The following SHANK1 variants were observed in gnomAD, a reference collection of about 807,000 sequenced individuals.
SHANK1 encodes the protein SH3 and multiple ankyrin repeat domains 1, also known as SH3 and multiple ankyrin repeat domains protein 1.
A neutral mutation model predicts 165.6 loss-of-function variants in SHANK1; 35 were observed. The ratio of observed to expected loss-of-function variants is 0.21; its 90% confidence interval spans 0.16 to 0.28. SHANK1 has a LOEUF of 0.28. SHANK1 is among the 10% of genes least tolerant of loss of function. The probability of loss-of-function intolerance (pLI) is 1.00; values close to 1 mark genes in which losing one functional copy is unlikely to be tolerated. For synonymous variants in SHANK1, 1,428 were observed against 1,384.8 expected, an observed-to-expected ratio of 1.03 and a Z score of -0.69; for missense variants, 2,681 against 3,036.4, an observed-to-expected ratio of 0.88 and a Z score of 2.75.
In SHANK1 at chr19:50,704,419, T is replaced by A. The variant is rs2088913084; in HGVS notation, c.1155+18A>T. On this transcript the variant is annotated intron_variant, in intron 9 of 23. Transcript: ENST00000293441. ...CCTTAGCCCTGGAAACTCCAGCACA[T>A]CCCCTGCAGCCCCAGACCTGGAAGG... 4 of 1,611,842 alleles carry A rather than the reference T, an allele frequency of 2.5e-6. No individual in the cohort carries two copies. The East Asian group carries it at 8.9e-5, about 36-fold the overall frequency.
rs1280813499 is a variant in SHANK1, at chr19:50,661,299, T to C, written c.*666A>G. Reference sequence around the variant, plus strand: ...GAAGCAGAGAAGGAGGCATGGAGCGTGAGAAAGGAAATGCAGCGTGTGCGA... The same window carrying C: ...GAAGCAGAGAAGGAGGCATGGAGCGCGAGAAAGGAAATGCAGCGTGTGCGA... On this transcript the variant is annotated 3_prime_UTR_variant, in exon 24 of 24. Coordinates refer to ENST00000293441, the MANE Select transcript of SHANK1 (RefSeq NM_016148.5). Among the ~76,000 whole-genome samples, 1 of 151,606 alleles carries C rather than the reference T, an allele frequency of 6.6e-6. No individual in the cohort carries two copies. Among genetic ancestry groups the C allele is most frequent in the African/African-American group, 2.4e-5 (1 of 41,148 alleles).
chr19:50,714,421 T>C lies in SHANK1; in HGVS notation c.532-131A>G, dbSNP rs2089046551. 7 of 746,956 alleles carry C rather than the reference T, an allele frequency of 9.4e-6. No individual in the cohort carries two copies. The East Asian group carries it at 1.9e-4, about 21-fold the overall frequency. The allele number at this position is 746,956 out of a possible 1,614,324, so 46.3% of individuals were successfully genotyped here. On this transcript the variant is annotated intron_variant, in intron 4 of 23. Transcript: ENST00000293441. ...CGCCATTGAAAAGCTTCTAGCAGCC[T>C]CCTTTACAGAGAAAATACCCAGCCC...
intron 15 of SHANK1, among the ~76,000 whole-genome samples, chr19:50,693,984 C>T (rs1454117396): frequency 6.6e-6 from 1 of 150,994 alleles, no homozygotes; most frequent in African/African-American, 2.4e-5. Context: ...GGAAGCACAG[C>T]CGCAGTCCCT....
intron 12 of SHANK1, among the ~76,000 whole-genome samples, chr19:50,698,715 T>A (rs1477007002): frequency 4.6e-5 from 7 of 152,168 alleles, no homozygotes; most frequent in Non-Finnish European, 8.8e-5. Flanking sequence ...AGAGCCAAGA[T>A]CATTTGCTGA....
chr19:50,701,173 G>T (rs980904609), intron 12 of SHANK1, among the ~76,000 whole-genome samples: 1 of 150,344 alleles, frequency 6.7e-6, no homozygotes, highest in Non-Finnish European at 1.5e-5. Flanking sequence ...TGAAGTAGGG[G>T]CCACTTAGGA....
rs1459282910 is a variant in SHANK1 at position 50,718,528 on chromosome 19, A to T, written c.-44+878T>A. 6.6e-6 allele frequency among the ~76,000 whole-genome samples: 1 copy of T among 151,642 alleles called. No individual in the cohort carries two copies. Among genetic ancestry groups the T allele is most frequent in the Non-Finnish European group, 1.5e-5 (1 of 67,898 alleles). On this transcript the variant is annotated intron_variant, in intron 1 of 23. Transcript: ENST00000293441. The surrounding 1 kb of genome is among the most constrained non-coding windows in gnomAD (Gnocchi z 5.1). ...CTCCCCCTCAGGGCTCGCGGGAGGG[A>T]GCGGGCACGCTCCGCCGGGGCGGCA...
In SHANK1 at chr19:50,680,669, TC is replaced by T. The variant is rs113467670; in HGVS notation, c.2577+5567del. Among the ~76,000 whole-genome samples the T allele has an allele frequency of 4.3e-4, 64 of 148,562 alleles. 1 individual carries two copies. The highest frequency in any genetic ancestry group is 5.3e-4 in the Admixed American group (8 of 14,996). ...AGATAGTGGCATCTTTTTTTTTTTT[TC>T]CCCGAGACAGAATCGCACCCTGTCA... On this transcript the variant is annotated intron_variant, in intron 21 of 23. Transcript: ENST00000293441.
chr19:50,711,561 G>T, intron 7 of SHANK1, 74 bp from the exon 8 acceptor site: 3 of 1,097,342 alleles, frequency 2.7e-6, no homozygotes, highest in South Asian at 2.7e-5. Context: ...GTCTGTCTAT[G>T]ACCTGTGCAC....
intron 19 of SHANK1, 108 bp downstream of exon 19, chr19:50,687,474 A>G (rs878959326): frequency 3.7e-6 from 3 of 817,494 alleles, no homozygotes; most frequent in East Asian, 2.8e-5. Flanking sequence ...GGACAGGATG[A>G]GGACAAGGAC....
At position 50,668,388 on chromosome 19, in the gene SHANK1, C is replaced by A; in HGVS notation, c.3572G>T (p.Gly1191Val). Residue 1191 changes from glycine (G) to valine (V), a missense_variant, in exon 23 of 24, where the codon GGC (glycine) becomes GTC (valine). Physicochemically the swap from Gly to Val is moderately radical, Grantham distance 109. Around this residue, in one of 10 missense-constraint regions of SHANK1, gnomAD observed 1,713 missense variants for 1,630.2 expected, o/e 1.05. Coordinates refer to ENST00000293441, the MANE Select transcript of SHANK1 (RefSeq NM_016148.5). ...GCTGGGCGAGGAGCCGCCGCCGCCGCCGCCTCCCGTGGGCTCCGGCTGGGT... is the reference window on the plus strand; with the variant it reads ...GCTGGGCGAGGAGCCGCCGCCGCCGACGCCTCCCGTGGGCTCCGGCTGGGT... ...PPTQPEPTGG[G>V]GGGGSSPSPA... 1 of 1,306,712 alleles carries A rather than the reference C, an allele frequency of 7.7e-7. No individual in the cohort carries two copies. The highest frequency in any genetic ancestry group is 3.0e-5 in the South Asian group (1 of 33,728). The allele number at this position is 1,306,712 out of a possible 1,614,324, so 80.9% of individuals were successfully genotyped here. A position where few individuals can be genotyped will look rare whatever the true frequency, so the allele number is the denominator to read the frequency against.
At position 50,718,991 on chromosome 19, in the gene SHANK1, G is replaced by A. The variant is rs554955738; in HGVS notation, c.-44+415C>T. Reference sequence around the variant, plus strand: ...GGGTCGAAAGGGGCGGAGGAGGCCCGGGCCTAGACCCTCGCTGGAGGGGAG... The same window carrying A: ...GGGTCGAAAGGGGCGGAGGAGGCCCAGGCCTAGACCCTCGCTGGAGGGGAG... On this transcript the variant is annotated intron_variant, in intron 1 of 23. Coordinates refer to ENST00000293441, the MANE Select transcript of SHANK1 (RefSeq NM_016148.5). The surrounding 1 kb of genome is among the most constrained non-coding windows in gnomAD (Gnocchi z 5.1). 6.6e-6 allele frequency among the ~76,000 whole-genome samples: 1 copy of A among 151,772 alleles called. No homozygotes were observed. The highest frequency in any genetic ancestry group is 1.5e-5 in the Non-Finnish European group (1 of 67,874).
intron 6 of SHANK1, 71 bp from the exon 7 acceptor site, chr19:50,712,185 G>A (rs1458651695): frequency 1.3e-6 from 2 of 1,490,744 alleles, no homozygotes; most frequent in African/African-American, 1.4e-5. Context: ...CATTCTGAAG[G>A]GCCAGGGGGA....
chr19:50,668,623 G>A lies in SHANK1; in HGVS notation c.3337C>T (p.Gln1113Ter). Residue 1113 changes from glutamine (Q) to a stop codon, truncating the protein, a stop_gained, in exon 23 of 24, where the codon CAG (glutamine) becomes TAG (stop). Coordinates refer to ENST00000293441, the MANE Select transcript of SHANK1 (RefSeq NM_016148.5). LOFTEE classifies it high-confidence loss of function. ...TGGGGCTCGCCTTCCACCTTGGTCTGCTTGACCAGCGGGCCCTTGCGGCCG... is the reference window on the plus strand; with the variant it reads ...TGGGGCTCGCCTTCCACCTTGGTCTACTTGACCAGCGGGCCCTTGCGGCCG... Reference protein sequence around the residue: ...GRGRKGPLVKQTKVEGEPQKG... With the variant: ...GRGRKGPLVK The A allele has an allele frequency of 2.2e-6, 3 of 1,375,450 alleles. No individual in the cohort carries two copies. The highest frequency in any genetic ancestry group is 3.4e-5 in the South Asian group (2 of 58,622). The allele number at this position is 1,375,450 out of a possible 1,614,324, so 85.2% of individuals were successfully genotyped here.
rs764205732 is a variant in SHANK1, at chr19:50,716,827, G to A, written c.93C>T (p.Asp31=). 10 of 1,568,906 alleles carry A rather than the reference G, an allele frequency of 6.4e-6. No individual in the cohort carries two copies. The highest frequency in any genetic ancestry group is 1.4e-5 in the African/African-American group (1 of 72,476). The change falls in exon 2 of 24, where the codon GAC becomes GAT. Residue 31 remains aspartate (D), a synonymous_variant. Coordinates refer to ENST00000293441, the MANE Select transcript of SHANK1 (RefSeq NM_016148.5). The surrounding 1 kb of genome is among the most constrained non-coding windows in gnomAD (Gnocchi z 8.4). Reference sequence around the variant, plus strand: ...TCCCCCGGGGGCCTCGACCTGGCCCGTCTGGGGAGCTGTCGGACTCTGAGC... The same window carrying A: ...TCCCCCGGGGGCCTCGACCTGGCCCATCTGGGGAGCTGTCGGACTCTGAGC... ...EGGSESDSSP[D]GPGRGPRGTR...
rs748647086 is a variant in SHANK1 at position 50,688,886 on chromosome 19, C to T, written c.2130G>A (p.Val710=). 6.3e-7 allele frequency: 1 copy of T among 1,593,070 alleles called. No homozygotes were observed. The highest frequency in any genetic ancestry group is 8.5e-7 in the Non-Finnish European group (1 of 1,169,746). The change falls in exon 17 of 24, where the codon GTG becomes GTA. Residue 710 remains valine (V), a synonymous_variant. Coordinates refer to ENST00000293441, the MANE Select transcript of SHANK1 (RefSeq NM_016148.5). The surrounding 1 kb of genome is among the most constrained non-coding windows in gnomAD (Gnocchi z 6.7). The part of the protein sequence containing the change: ...QYLESVDEGG[V]AWRAGLRMGD... ...CCATTCGCAGTCCAGCTCGCCATGC[C>T]ACGCCACCCTCGTCCACCGACTCCA... is the stretch of plus-strand genomic sequence containing the variant.
chr19:50,670,650 C>A lies in SHANK1; in HGVS notation c.2675-1365G>T, dbSNP rs1007362139. ...CTCATGTCCAGTGCTCACTTGGCCC[C>A]TGCTACACAGGCCTCCTCCCTGTTC... On this transcript the variant is annotated intron_variant, in intron 22 of 23. Coordinates refer to ENST00000293441, the MANE Select transcript of SHANK1 (RefSeq NM_016148.5). The surrounding 1 kb of genome is among the most constrained non-coding windows in gnomAD (Gnocchi z 4.1). Among the ~76,000 whole-genome samples, 5 of 129,364 alleles carry A rather than the reference C, an allele frequency of 3.9e-5. No individual in the cohort carries two copies. The highest frequency in any genetic ancestry group is 9.2e-5 in the Non-Finnish European group (5 of 54,390). The allele number at this position is 129,364 out of a possible 152,430, so 84.9% of individuals were successfully genotyped here.
At chr19:50,672,170 GC>G in intron 21 of SHANK1, 56 bp from the exon 22 acceptor site, 1 of 1,376,948 alleles carries the variant, frequency 7.3e-7, no homozygotes, top group Non-Finnish European at 1.0e-6. Context: ...AGATCAGTCA[GC>G]GCAGAAAGGC....
rs541585753 is a variant in SHANK1, at chr19:50,660,674, A to T, written c.*1291T>A. Among the ~76,000 whole-genome samples the T allele has an allele frequency of 7.9e-5, 11 of 138,802 alleles. No homozygotes were observed. Among genetic ancestry groups the T allele is most frequent in the African/African-American group, 2.9e-4 (11 of 37,696 alleles). The allele number at this position is 138,802 out of a possible 152,430, so 91.1% of individuals were successfully genotyped here. A position where few individuals can be genotyped will look rare whatever the true frequency, so the allele number is the denominator to read the frequency against. On this transcript the variant is annotated 3_prime_UTR_variant, in exon 24 of 24. Coordinates refer to ENST00000293441, the MANE Select transcript of SHANK1 (RefSeq NM_016148.5). Reference sequence around the variant, plus strand: ...TGCAGCCATGTCATGGTGCGCAAGAACATTATTAAAGGGGAGAAACAAGGC... The same window carrying T: ...TGCAGCCATGTCATGGTGCGCAAGATCATTATTAAAGGGGAGAAACAAGGC...
chr19:50,688,939 T>G lies in SHANK1; in HGVS notation c.2077A>C (p.Thr693Pro), dbSNP rs1408850132. Residue 693 changes from threonine to proline, a missense_variant, in exon 17 of 24, where the codon ACC (threonine) becomes CCC (proline). Around this residue, in one of 10 missense-constraint regions of SHANK1, gnomAD observed 147 missense variants for 256.5 expected, o/e 0.57. Transcript: ENST00000293441. The surrounding 1 kb of genome is among the most constrained non-coding windows in gnomAD (Gnocchi z 6.7). The part of the protein sequence containing the change: ...AQTPIEEFTP[T>P]PAFPALQYLE... ...TACTGCAGCGCCGGGAAGGCCGGGG[T>G]GGGGGTGAACTCCTCGATGGGGGTC... 1 of 1,543,140 alleles carries G rather than the reference T, an allele frequency of 6.5e-7. No individual in the cohort carries two copies. Among genetic ancestry groups the G allele is most frequent in the Admixed American group, 2.0e-5 (1 of 50,868 alleles).
Sources: allele counts gnomAD v4.1 joint callset (sites outside exome capture counted in the v4.1 genomes callset), GRCh38; gene constraint gnomAD v4.1.1; regional missense constraint gnomAD v4.1.1; non-coding constraint Gnocchi (gnomAD v3.1); transcripts MANE v1.5; gene names NCBI Gene and HGNC (gene_info 2026-07-23, HGNC 2026-07-21).